ACTR2: variants seen among roughly 807,000 people sequenced by gnomAD.
ACTR2 encodes the protein actin related protein 2, also known as actin-related protein 2.
Under a neutral mutation model 50.2 loss-of-function variants are expected in ACTR2, and 5 were observed. That is an observed-to-expected ratio of 0.10 (90% CI 0.05 to 0.21). The LOEUF (loss-of-function observed/expected upper bound fraction) is 0.21, where lower values mean the gene tolerates loss of function less well. Ranked by LOEUF, ACTR2 falls within the 10% of genes least tolerant of loss-of-function variation. The pLI, the probability that ACTR2 is intolerant of heterozygous loss-of-function variation, is 1.00. For missense variants in ACTR2, 180 were observed against 480.6 expected (o/e 0.37, Z 5.85); for synonymous variants, 140 against 162.9 (o/e 0.86, Z 1.07).
chr2:65,238,654 C>CT (rs1471071502), intron 1 of ACTR2, among the ~76,000 whole-genome samples: 24 of 65,272 alleles, frequency 3.7e-4, no homozygotes, highest in Non-Finnish European at 6.3e-4. Context: ...GCGAGACTGT[C>CT]TAAAAAAAAA....
chr2:65,265,213 TAA>T (rs761392398), intron 8 of ACTR2, 38 bp downstream of exon 8: 1 of 1,610,872 alleles, frequency 6.2e-7, no homozygotes, highest in East Asian at 2.2e-5. Context: ...AACATTCTTT[TAA>T]AAGGCTATAC....
At chr2:65,253,983 A>G (rs1186204338) in intron 5 of ACTR2, 119 bp downstream of exon 5, 1 of 715,924 alleles carries the variant, frequency 1.4e-6, no homozygotes, top group South Asian at 2.1e-5. Context: ...GAAATTATCC[A>G]ATTACCTCCC....
In ACTR2 at chr2:65,228,036, C is replaced by T; in HGVS notation, c.48+79C>T. 5.2e-6 allele frequency: 7 copies of T among 1,338,990 alleles called. No homozygotes were observed. The East Asian group carries it at 9.3e-5, about 18-fold the overall frequency. The allele number at this position is 1,338,990 out of a possible 1,614,324, so 82.9% of individuals were successfully genotyped here. Reference sequence around the variant, plus strand: ...AGCTGGCGCACGGGCCCTCGGCCCCCAGGGCTGCACCTCCGGGCCCTCGGG... The same window carrying T: ...AGCTGGCGCACGGGCCCTCGGCCCCTAGGGCTGCACCTCCGGGCCCTCGGG... On this transcript the variant is annotated intron_variant, in intron 1 of 8. Coordinates refer to ENST00000260641, the MANE Select transcript of ACTR2 (RefSeq NM_005722.4).
In ACTR2 at chr2:65,271,143, G is replaced by A. The variant is rs1672487441; in HGVS notation, c.*2409G>A. 2 of 152,104 alleles carry A rather than the reference G, an allele frequency of 1.3e-5. No homozygotes were observed. Among genetic ancestry groups the A allele is most frequent in the South Asian group, 4.1e-4 (2 of 4,832 alleles). The allele number at this position is 152,104 out of a possible 1,614,324, so 9.4% of individuals were successfully genotyped here. A position where few individuals can be genotyped will look rare whatever the true frequency, so the allele number is the denominator to read the frequency against. ...TAACTTTTACACAGTTCTGAGTACT[G>A]TTAATATCTGGAAAGTATCTTGAGA... On this transcript the variant is annotated 3_prime_UTR_variant, in exon 9 of 9. Coordinates refer to ENST00000260641, the MANE Select transcript of ACTR2 (RefSeq NM_005722.4).
At chr2:65,264,676 G>A (rs1258489656) in intron 7 of ACTR2, among the ~76,000 whole-genome samples, 3 of 152,146 alleles carry the variant, frequency 2.0e-5, no homozygotes, top group Non-Finnish European at 4.4e-5. Flanking sequence ...AGGAATTCTG[G>A]ATTAAAGTAG....
chr2:65,242,612 G>A, intron 2 of ACTR2: 2 of 502,916 alleles, frequency 4.0e-6, no homozygotes, highest in South Asian at 2.9e-5. Context: ...CTGATGAGCA[G>A]ATTTCACAAC....
intron 1 of ACTR2, among the ~76,000 whole-genome samples, chr2:65,229,768 A>AG (rs1380267856): frequency 6.6e-5 from 10 of 151,602 alleles, no homozygotes; most frequent in African/African-American, 2.4e-4. Context: ...AAAAAAAAAA[A>AG]AAAGAAAAAC....
chr2:65,246,806 T>A, intron 3 of ACTR2, 67 bp downstream of exon 3: 1 of 937,530 alleles, frequency 1.1e-6, no homozygotes, highest in Non-Finnish European at 1.6e-6. Context: ...AAAATTTTCT[T>A]ACTGTTGCTA....
chr2:65,252,675 A>T (rs1009796274), intron 4 of ACTR2, among the ~76,000 whole-genome samples: 8 of 150,314 alleles, frequency 5.3e-5, no homozygotes, highest in South Asian at 2.1e-4. Context: ...AATAAATAAA[A>T]AAAGTTTTTT....
Position 65,237,089 on chromosome 2 carries a change from T to C in ACTR2, c.49-2763T>C, listed in dbSNP as rs1282829010. ...TGTGTACCTATTATGTGCCAGACGC[T>C]GTTCTAGGCAGTTGGAATTCATCAG... On this transcript the variant is annotated intron_variant, in intron 1 of 8. Coordinates refer to ENST00000260641, the MANE Select transcript of ACTR2 (RefSeq NM_005722.4). Among the ~76,000 whole-genome samples the C allele has an allele frequency of 2.6e-5, 4 of 152,220 alleles. No homozygotes were observed. In the East Asian group the frequency reaches 5.8e-4, roughly 22 times the overall value.
chr2:65,231,861 A>C (rs1483647169), intron 1 of ACTR2, among the ~76,000 whole-genome samples: 1 of 152,180 alleles, frequency 6.6e-6, no homozygotes, highest in Non-Finnish European at 1.5e-5. Context: ...TAAAAAAATC[A>C]CCAAAAAAAT....
Position 65,238,492 on chromosome 2 carries a change from T to G in ACTR2, c.49-1360T>G, listed in dbSNP as rs184791569. ...GGCTAACACAGTGAAACCCCGTCTC[T>G]ACTAAAAATACAAAAAATTAGCTGG... On this transcript the variant is annotated intron_variant, in intron 1 of 8. Transcript: ENST00000260641. Among the ~76,000 whole-genome samples, 1,206 of 151,000 alleles carry G rather than the reference T, an allele frequency of 8.0e-3. 18 individuals carry two copies. Among genetic ancestry groups the G allele is most frequent in the African/African-American group, 0.024 (985 of 41,074 alleles).
intron 8 of ACTR2, 118 bp from the exon 9 acceptor site, chr2:65,268,446 A>T: frequency 1.3e-6 from 1 of 776,440 alleles, no homozygotes; most frequent in Non-Finnish European, 2.0e-6. Flanking sequence ...ATTACGTTCT[A>T]CTTATATTAC....
intron 6 of ACTR2, among the ~76,000 whole-genome samples, chr2:65,256,699 C>T (rs1341980724): frequency 6.6e-6 from 1 of 152,028 alleles, no homozygotes; most frequent in African/African-American, 2.4e-5. Flanking sequence ...TGGTGAAACC[C>T]GTCTTTACTG....
At chr2:65,242,336 T>C (rs749654955) in intron 2 of ACTR2, among the ~76,000 whole-genome samples, 2 of 148,980 alleles carry the variant, frequency 1.3e-5, no homozygotes, top group Non-Finnish European at 2.9e-5. Context: ...ATGAATGTTA[T>C]AATTAAAATG....
At chr2:65,268,456 C>A in intron 8 of ACTR2, 108 bp from the exon 9 acceptor site, 1 of 955,608 alleles carries the variant, frequency 1.0e-6, no homozygotes, top group Non-Finnish European at 1.5e-6. Flanking sequence ...ACTTATATTA[C>A]AGGACTGTTG....
intron 1 of ACTR2, among the ~76,000 whole-genome samples, chr2:65,229,707 G>A (rs866914872): frequency 7.6e-6 from 1 of 131,018 alleles, no homozygotes; most frequent in Non-Finnish European, 1.5e-5. Flanking sequence ...AGTGAGCCGA[G>A]ATCGCACCAC....
chr2:65,240,818 C>A (rs1389076086), intron 2 of ACTR2, among the ~76,000 whole-genome samples: 1 of 152,114 alleles, frequency 6.6e-6, no homozygotes. Flanking sequence ...CTTTAGCAAG[C>A]CTTCAGTGTA....
chr2:65,260,460 C>G (rs764130761), intron 6 of ACTR2, among the ~76,000 whole-genome samples: 1 of 152,190 alleles, frequency 6.6e-6, no homozygotes, highest in African/African-American at 2.4e-5. Flanking sequence ...GAGCCGAGAT[C>G]GTGCCATTGC....
Sources: gnomAD v4.1 joint callset for allele counts (sites outside exome capture counted in the v4.1 genomes callset) on GRCh38, gnomAD v4.1.1 for gene constraint, MANE v1.5 for transcripts, NCBI Gene and HGNC (gene_info 2026-07-23, HGNC 2026-07-21) for gene names.